The following ITPR2 variants were observed in gnomAD, a reference collection of about 807,000 sequenced individuals.
ITPR2 encodes inositol 1,4,5-trisphosphate receptor type 2.
ITPR2 carries 207 observed loss-of-function variants against 317.1 expected under a neutral mutation model. That is an observed-to-expected ratio of 0.65 (90% confidence interval 0.58 to 0.73). The LOEUF is 0.73. Among genes scored for constraint, ITPR2 ranks in the 30% least tolerant of loss-of-function variants. ITPR2 has a pLI of 0.00. For missense variants in ITPR2, 2,613 were observed against 3,284.0 expected (o/e 0.80, Z 4.99); for synonymous variants, 1,156 against 1,149.1 (o/e 1.01, Z -0.12).
At chr12:26,403,774 AC>A (rs1940255973) in intron 52 of ITPR2, among the ~76,000 whole-genome samples, 1 of 152,214 alleles carries the variant, frequency 6.6e-6, no homozygotes, top group African/African-American at 2.4e-5. Flanking sequence ...TCATCAATGT[AC>A]TAAGACTTGA....
intron 39 of ITPR2, among the ~76,000 whole-genome samples, chr12:26,489,398 T>A (rs1467364042): frequency 2.0e-5 from 3 of 152,132 alleles, no homozygotes; most frequent in African/African-American, 7.2e-5. Flanking sequence ...GTGGTGAGGA[T>A]GGAGATGGCT....
At chr12:26,775,816 C>T (rs562794320) in intron 2 of ITPR2, among the ~76,000 whole-genome samples, 27 of 151,642 alleles carry the variant, frequency 1.8e-4, no homozygotes, top group African/African-American at 5.3e-4. Flanking sequence ...GAACATTGGA[C>T]TCTAAGTTCT....
At chr12:26,783,155 G>C (rs1950126121) in intron 2 of ITPR2, among the ~76,000 whole-genome samples, 1 of 152,162 alleles carries the variant, frequency 6.6e-6, no homozygotes, top group Non-Finnish European at 1.5e-5. Context: ...ACCTGCTTTA[G>C]TGTTCATTGC....
At chr12:26,801,044 G>T (rs547490779) in intron 1 of ITPR2, 1 of 192,720 alleles carries the variant, frequency 5.2e-6, no homozygotes, top group South Asian at 1.1e-4. Flanking sequence ...ACAGGCTGAC[G>T]ACTGAGTGGG....
chr12:26,488,606 C>T (rs910413058), intron 39 of ITPR2, among the ~76,000 whole-genome samples: 4 of 152,188 alleles, frequency 2.6e-5, no homozygotes, highest in Non-Finnish European at 4.4e-5. Flanking sequence ...CAAAAAGTCA[C>T]GGTAACCATA....
chr12:26,658,410 A>AC (rs1947422900), intron 16 of ITPR2, among the ~76,000 whole-genome samples: 1 of 152,240 alleles, frequency 6.6e-6, no homozygotes, highest in Admixed American at 6.5e-5. Flanking sequence ...TTATGTTTAG[A>AC]AAATCATTCA....
intron 35 of ITPR2, among the ~76,000 whole-genome samples, chr12:26,560,645 A>G (rs1944791851): frequency 6.6e-6 from 1 of 152,168 alleles, no homozygotes; most frequent in Non-Finnish European, 1.5e-5. Context: ...TTAGACCTTA[A>G]GTAACTTCTC....
intron 25 of ITPR2, among the ~76,000 whole-genome samples, chr12:26,621,583 T>C (rs1326713089): frequency 6.6e-6 from 1 of 152,184 alleles, no homozygotes; most frequent in African/African-American, 2.4e-5. Context: ...TATCAATAGA[T>C]ACAATCTAAA....
chr12:26,745,432 C>T (rs1592090787), intron 2 of ITPR2, among the ~76,000 whole-genome samples: 1 of 152,114 alleles, frequency 6.6e-6, no homozygotes, highest in Non-Finnish European at 1.5e-5. Context: ...TCTAACAATC[C>T]GATTACAGGA....
At chr12:26,667,789 A>C (rs1459005246) in intron 13 of ITPR2, among the ~76,000 whole-genome samples, 1 of 152,238 alleles carries the variant, frequency 6.6e-6, no homozygotes, top group Non-Finnish European at 1.5e-5. Flanking sequence ...TCAAATATTT[A>C]GATATCTAAG....
At chr12:26,587,070 T>C (rs1945547419) in intron 32 of ITPR2, among the ~76,000 whole-genome samples, 1 of 151,646 alleles carries the variant, frequency 6.6e-6, no homozygotes. Context: ...TTCATTCCAT[T>C]GGTTTGCCTA....
chr12:26,662,175 C>T (rs1229715494), intron 15 of ITPR2, among the ~76,000 whole-genome samples: 1 of 152,158 alleles, frequency 6.6e-6, no homozygotes, highest in Non-Finnish European at 1.5e-5. Context: ...AACATTTTAA[C>T]ACAGTCTTCC....
intron 5 of ITPR2, among the ~76,000 whole-genome samples, chr12:26,718,969 C>T (rs1948788385): frequency 6.6e-6 from 1 of 152,092 alleles, no homozygotes; most frequent in Admixed American, 6.6e-5. Context: ...ATCTGTGAAA[C>T]AGCTTCCAGT....
At chr12:26,543,393 AAG>A (rs757818715) in intron 37 of ITPR2, among the ~76,000 whole-genome samples, 177 of 149,788 alleles carry the variant, frequency 1.2e-3, no homozygotes, top group African/African-American at 3.7e-3. Flanking sequence ...GAGACAGGGG[AAG>A]AGAGAGAGAG....
At chr12:26,594,122 C>T (rs780858307) in intron 32 of ITPR2, among the ~76,000 whole-genome samples, 8 of 152,152 alleles carry the variant, frequency 5.3e-5, no homozygotes, top group African/African-American at 1.9e-4. Context: ...CATATGAGTA[C>T]TATGTTAAAT....
chr12:26,667,539 T>C (rs1193934882), intron 13 of ITPR2, among the ~76,000 whole-genome samples: 1 of 152,240 alleles, frequency 6.6e-6, no homozygotes, highest in Non-Finnish European at 1.5e-5. Context: ...ACCCGTTTCA[T>C]GTGCATCAAA....
intron 56 of ITPR2, among the ~76,000 whole-genome samples, chr12:26,339,821 T>C (rs1462755185): frequency 1.3e-5 from 2 of 152,184 alleles, no homozygotes; most frequent in Non-Finnish European, 2.9e-5. Context: ...CATTATAGCA[T>C]TGAAATGGCA....
At chr12:26,489,240 AAAG>A (rs1269537437) in intron 39 of ITPR2, among the ~76,000 whole-genome samples, 2 of 152,174 alleles carry the variant, frequency 1.3e-5, no homozygotes, top group African/African-American at 4.8e-5. Context: ...GTGTAAGGGG[AAAG>A]AAACTCCAAG....
At chr12:26,555,193 A>G (rs1944629222) in intron 36 of ITPR2, among the ~76,000 whole-genome samples, 1 of 152,152 alleles carries the variant, frequency 6.6e-6, no homozygotes, top group Non-Finnish European at 1.5e-5. Context: ...TTTCACTCCC[A>G]AGGTTCCAGC....
Sources: gnomAD v4.1 joint callset for allele counts (sites outside exome capture counted in the v4.1 genomes callset) on GRCh38, gnomAD v4.1.1 for gene constraint, MANE v1.5 for transcripts, NCBI Gene and HGNC (gene_info 2026-07-23, HGNC 2026-07-21) for gene names.